CREBBP: variants seen among roughly 807,000 people sequenced by gnomAD.
CREBBP encodes the protein CREB binding lysine acetyltransferase, also known as CREB-binding protein.
A neutral mutation model predicts 265.0 loss-of-function variants in CREBBP; 19 were observed. That is an observed-to-expected ratio of 0.07 (90% confidence interval 0.05 to 0.11). CREBBP has a LOEUF of 0.11. CREBBP is among the 10% of genes least tolerant of loss of function. The probability of loss-of-function intolerance (pLI) is 1.00; values close to 1 mark genes in which losing one functional copy is unlikely to be tolerated. For missense variants in CREBBP, 2,525 were observed against 3,219.0 expected (o/e 0.78, Z 5.22); for synonymous variants, 1,457 against 1,223.7 (o/e 1.19, Z -3.98).
At position 3,736,914 on chromosome 16, in the gene CREBBP, G is replaced by A. The variant is rs894963966; in HGVS notation, c.4395-99C>T. 8.5e-6 allele frequency: 12 copies of A among 1,410,244 alleles called. No homozygotes were observed. In the African/African-American group the frequency reaches 1.7e-4, roughly 20 times the overall value. 87.4% of individuals were successfully genotyped at this position (1,410,244 alleles called of 1,614,324 possible). ...AGGAGCAAGGACTAAAGCCAGGACAGAAGTAACCAGAGAGAGAGAATGAAT... is the reference window on the plus strand; with the variant it reads ...AGGAGCAAGGACTAAAGCCAGGACAAAAGTAACCAGAGAGAGAGAATGAAT... On this transcript the variant is annotated intron_variant, in intron 26 of 30. Transcript: ENST00000262367.
intron 1 of CREBBP, among the ~76,000 whole-genome samples, chr16:3,879,626 A>C (rs1017204747): frequency 6.6e-6 from 1 of 152,090 alleles, no homozygotes; most frequent in Non-Finnish European, 1.5e-5. Flanking sequence ...GGCCGAGTGC[A>C]CCGGGCGTGT....
intron 13 of CREBBP, among the ~76,000 whole-genome samples, 175 bp from the exon 14 acceptor site, chr16:3,771,161 T>C (rs1271842858): frequency 6.6e-6 from 1 of 151,980 alleles, no homozygotes; most frequent in African/African-American, 2.4e-5. Context: ...CTCCGCCTCC[T>C]GGGTTCAAGC....
At chr16:3,780,241 CAAAAAAAAAAA>C (rs559038927) in intron 8 of CREBBP, among the ~76,000 whole-genome samples, 4 of 53,696 alleles carry the variant, frequency 7.4e-5, no homozygotes, top group Non-Finnish European at 1.7e-4. Flanking sequence ...GACTCTGTCT[CAAAAAAAAAAA>C]AAAAAAAAAA....
intron 12 of CREBBP, 97 bp from the exon 13 acceptor site, chr16:3,774,027 A>G: frequency 1.5e-6 from 2 of 1,353,596 alleles, no homozygotes; most frequent in Non-Finnish European, 2.1e-6. Flanking sequence ...ACAACCCCAG[A>G]GGATGGCAAG....
rs550911087 is a variant in CREBBP, at chr16:3,766,337, C to T, written c.3250+1383G>A. ...ACGAAAATACTTCTCCCTTTACCAA[C>T]TACAGGATTTTCTTCATACACTTCA... On this transcript the variant is annotated intron_variant, in intron 16 of 30. Coordinates refer to ENST00000262367, the MANE Select transcript of CREBBP (RefSeq NM_004380.3). Among the ~76,000 whole-genome samples, 5 of 152,332 alleles carry T rather than the reference C, an allele frequency of 3.3e-5. No individual in the cohort carries two copies. The South Asian group carries it at 1.0e-3, about 32-fold the overall frequency.
intron 1 of CREBBP, among the ~76,000 whole-genome samples, chr16:3,865,238 T>C (rs966577607): frequency 6.6e-5 from 10 of 152,338 alleles, no homozygotes; most frequent in East Asian, 5.8e-4. Context: ...ATCTGTTCCA[T>C]AGATTTGCCT....
chr16:3,828,395 G>GCTGACTT (rs747974527), intron 2 of CREBBP, among the ~76,000 whole-genome samples: 3 of 152,178 alleles, frequency 2.0e-5, no homozygotes, highest in South Asian at 2.1e-4. Flanking sequence ...CCCGTCGAAA[G>GCTGACTT]CTGACTTCTT....
At chr16:3,876,420 A>AC (rs1567382919) in intron 1 of CREBBP, among the ~76,000 whole-genome samples, 1 of 150,136 alleles carries the variant, frequency 6.7e-6, no homozygotes, top group South Asian at 2.1e-4. Flanking sequence ...AAAAAAAAAA[A>AC]AAAAAACAAC....
chr16:3,740,997 C>G, intron 23 of CREBBP: 6 of 303,398 alleles, frequency 2.0e-5, no homozygotes, highest in South Asian at 1.9e-4. Flanking sequence ...CGTTCTAGGG[C>G]TAACCAATTA....
chr16:3,843,880 G>A (rs910553688), intron 2 of CREBBP, among the ~76,000 whole-genome samples: 16 of 151,870 alleles, frequency 1.1e-4, no homozygotes, highest in African/African-American at 3.1e-4. Context: ...CGGGCGCGGT[G>A]GCTCACGCCT....
At chr16:3,873,848 AG>A (rs2055347709) in intron 1 of CREBBP, among the ~76,000 whole-genome samples, 1 of 152,196 alleles carries the variant, frequency 6.6e-6, no homozygotes, top group South Asian at 2.1e-4. Flanking sequence ...TCTGCTTGAA[AG>A]TAAAACCTTA....
In CREBBP at chr16:3,751,825, T is replaced by C. The variant is rs1308721920; in HGVS notation, c.3699-19A>G. On this transcript the variant is annotated intron_variant, in intron 19 of 30. Transcript: ENST00000262367. ...ATGATACCTGTCAGCAAGAAGGCCATACTTGGGTGAACTGGTCCATCATAA... is the reference window on the plus strand; with the variant it reads ...ATGATACCTGTCAGCAAGAAGGCCACACTTGGGTGAACTGGTCCATCATAA... The C allele has an allele frequency of 6.2e-7, 1 of 1,613,348 alleles. No individual in the cohort carries two copies. The highest frequency in any genetic ancestry group is 8.5e-7 in the Non-Finnish European group (1 of 1,179,460).
chr16:3,812,609 T>C lies in CREBBP; in HGVS notation c.799-1830A>G, dbSNP rs130048. On this transcript the variant is annotated intron_variant, in intron 2 of 30. Coordinates refer to ENST00000262367, the MANE Select transcript of CREBBP (RefSeq NM_004380.3). ...CGTGAGGGCCTGCAACCAACTGGAATTCCTTCCATCAACAGATGTGGGCCA... is the reference window on the plus strand; with the variant it reads ...CGTGAGGGCCTGCAACCAACTGGAACTCCTTCCATCAACAGATGTGGGCCA... 9.3e-3 allele frequency among the ~76,000 whole-genome samples: 1,406 copies of C among 151,936 alleles called. 26 individuals carry two copies. The highest frequency in any genetic ancestry group is 0.032 in the African/African-American group (1,336 of 41,396).
At chr16:3,732,704 C>T (rs11076783) in intron 28 of CREBBP, among the ~76,000 whole-genome samples, 29,530 of 151,544 alleles carry the variant, frequency 0.19, 5,061 homozygotes, top group African/African-American at 0.46. Context: ...GCCCGGCTAC[C>T]TATCATTTTT....
chr16:3,737,629 A>AT (rs2052098427), intron 26 of CREBBP, among the ~76,000 whole-genome samples: 1 of 151,480 alleles, frequency 6.6e-6, no homozygotes, highest in South Asian at 2.1e-4. Context: ...CGCCTGGCTC[A>AT]TTTTTTGTAT....
chr16:3,765,856 C>G (rs2052839078), intron 16 of CREBBP, among the ~76,000 whole-genome samples: 1 of 152,020 alleles, frequency 6.6e-6, no homozygotes, highest in African/African-American at 2.4e-5. Flanking sequence ...GTTGCCTAGG[C>G]TGCTCTCGAA....
rs1236714392 is a variant in CREBBP, at chr16:3,726,111, C to CT, written c.*1606dup. On this transcript the variant is annotated 3_prime_UTR_variant, in exon 31 of 31. Coordinates refer to ENST00000262367, the MANE Select transcript of CREBBP (RefSeq NM_004380.3). ...GACCGGAGCTGGTGCTCCAAGGTGT[C>CT]TGTCCCTCAGCATTTCCTCAAACGC... 4.3e-6 allele frequency: 1 copy of CT among 233,194 alleles called. No individual in the cohort carries two copies. The highest frequency in any genetic ancestry group is 8.5e-6 in the Non-Finnish European group (1 of 118,058). 14.4% of individuals were successfully genotyped at this position (233,194 alleles called of 1,614,324 possible).
chr16:3,827,224 A>AT (rs2054254989), intron 2 of CREBBP, among the ~76,000 whole-genome samples: 1 of 152,244 alleles, frequency 6.6e-6, no homozygotes, highest in South Asian at 2.1e-4. Context: ...AGGAAATGTG[A>AT]TAAGTATCAA....
At chr16:3,847,404 G>A (rs915623519) in intron 2 of CREBBP, among the ~76,000 whole-genome samples, 5 of 152,128 alleles carry the variant, frequency 3.3e-5, no homozygotes, top group African/African-American at 1.2e-4. Context: ...TAAGGTTCTA[G>A]AGAGGGAATG....
Sources: allele counts gnomAD v4.1 joint callset (sites outside exome capture counted in the v4.1 genomes callset), GRCh38; gene constraint gnomAD v4.1.1; transcripts MANE v1.5; gene names NCBI Gene and HGNC (gene_info 2026-07-23, HGNC 2026-07-21).